Variants in FOLR2 observed in about 807,000 individuals in gnomAD.
FOLR2 encodes the protein folate receptor beta.
Under a neutral mutation model 20.4 loss-of-function variants are expected in FOLR2, and 14 were observed. That is an observed-to-expected ratio of 0.68 (90% CI 0.45 to 1.07). The LOEUF (loss-of-function observed/expected upper bound fraction) is 1.07, where lower values mean the gene tolerates loss of function less well. Ranked by LOEUF, FOLR2 falls within the 50% of genes least tolerant of loss-of-function variation. The pLI is 0.00. For synonymous variants in FOLR2, 114 were observed against 114.3 expected (o/e 1.00, Z 0.02); for missense variants, 269 against 322.6 (o/e 0.83, Z 1.27).
At chr11:72,218,445 G>A in intron 1 of FOLR2, 116 bp from the exon 2 acceptor site, 1 of 881,950 alleles carries the variant, frequency 1.1e-6, no homozygotes, top group Non-Finnish European at 1.7e-6. Flanking sequence ...CCCCAGCATT[G>A]AAGGAACAGG....
At position 72,220,901 on chromosome 11, in the gene FOLR2, C is replaced by A. The variant is rs780072643; in HGVS notation, c.182C>A (p.Thr61Lys). 4.6e-5 allele frequency: 75 copies of A among 1,613,956 alleles called. 1 individual carries two copies. The South Asian group carries it at 8.0e-4, about 17-fold the overall frequency. The change falls in exon 3 of 5, where the codon ACA becomes AAA. Residue 61 changes from threonine (T) to lysine (K), a missense_variant. Coordinates refer to ENST00000298223, the MANE Select transcript of FOLR2 (RefSeq NM_000803.5). ...CCCTGGAAGAAGAATGCCTGCTGCA[C>A]AGCCAGCACCAGCCAGGAGCTGCAC... ...CSPWKKNACC[T>K]ASTSQELHKD...
In FOLR2 at chr11:72,221,904, G is replaced by A; in HGVS notation, c.*142G>A. 1.4e-6 allele frequency: 1 copy of A among 712,594 alleles called. No individual in the cohort carries two copies. The highest frequency in any genetic ancestry group is 1.9e-5 in the South Asian group (1 of 52,776). The allele number at this position is 712,594 out of a possible 1,614,324, so 44.1% of individuals were successfully genotyped here. Reference sequence around the variant, plus strand: ...CCCAGTCTGTTGCTGCTCCATGGTGGGGCCAAGAGTCACTTCTAATAAACA... The same window carrying A: ...CCCAGTCTGTTGCTGCTCCATGGTGAGGCCAAGAGTCACTTCTAATAAACA... On this transcript the variant is annotated 3_prime_UTR_variant, in exon 5 of 5. Transcript: ENST00000298223.
Position 72,221,881 on chromosome 11 carries a change from C to A in FOLR2, c.*119C>A, listed in dbSNP as rs1948503041. 4 of 892,722 alleles carry A rather than the reference C, an allele frequency of 4.5e-6. No individual in the cohort carries two copies. The highest frequency in any genetic ancestry group is 3.4e-6 in the Non-Finnish European group (2 of 592,474). 55.3% of individuals were successfully genotyped at this position (892,722 alleles called of 1,614,324 possible). A position where few individuals can be genotyped will look rare whatever the true frequency, so the allele number is the denominator to read the frequency against. ...ATTAGTCACCTAACCCTCTGTCACCCAGTCTGTTGCTGCTCCATGGTGGGG... is the reference window on the plus strand; with the variant it reads ...ATTAGTCACCTAACCCTCTGTCACCAAGTCTGTTGCTGCTCCATGGTGGGG... On this transcript the variant is annotated 3_prime_UTR_variant, in exon 5 of 5. Transcript: ENST00000298223.
At chr11:72,218,441 C>A in intron 1 of FOLR2, 120 bp from the exon 2 acceptor site, 2 of 827,506 alleles carry the variant, frequency 2.4e-6, no homozygotes, top group Non-Finnish European at 1.9e-6. Flanking sequence ...AGGGCCCCAG[C>A]ATTGAAGGAA....
At position 72,221,167 on chromosome 11, in the gene FOLR2, C is replaced by A; in HGVS notation, c.340-9C>A. On this transcript the variant is annotated splice_polypyrimidine_tract_variant and intron_variant, in intron 3 of 4. Coordinates refer to ENST00000298223, the MANE Select transcript of FOLR2 (RefSeq NM_000803.5). ...TGAGAGGAGCCCTGCCTCCCCACCT[C>A]CCACCCAGGTGAATCAGAGCTGGCG... The A allele has an allele frequency of 1.9e-6, 3 of 1,610,860 alleles. No homozygotes were observed. The highest frequency in any genetic ancestry group is 1.7e-6 in the Non-Finnish European group (2 of 1,178,728).
At chr11:72,218,948 G>A (rs891515347) in intron 2 of FOLR2, among the ~76,000 whole-genome samples, 7 of 152,204 alleles carry the variant, frequency 4.6e-5, no homozygotes, top group African/African-American at 9.7e-5. Flanking sequence ...ATATTGAGTC[G>A]TCATTCGATG....
At chr11:72,217,710 C>T (rs1437268454) in intron 1 of FOLR2, among the ~76,000 whole-genome samples, 1 of 152,114 alleles carries the variant, frequency 6.6e-6, no homozygotes, top group African/African-American at 2.4e-5. Flanking sequence ...AAACTTCTAT[C>T]GTTTTTCAGG....
intron 2 of FOLR2, 29 bp from the exon 3 acceptor site, chr11:72,220,841 G>A: frequency 6.2e-7 from 1 of 1,613,228 alleles, no homozygotes; most frequent in Non-Finnish European, 8.5e-7. Flanking sequence ...GTATGGGGAG[G>A]CACTTAGTCC....
In FOLR2 at chr11:72,221,067, T is replaced by TCGGGGGGGGCCGCCCCCCCCCC; in HGVS notation, c.339+10_339+11insGGGGGGGGCCGCCCCCCCCCCC. On this transcript the variant is annotated intron_variant, in intron 3 of 4. Coordinates refer to ENST00000298223, the MANE Select transcript of FOLR2 (RefSeq NM_000803.5). ...GGCCCTGGATCCAGCAGGTAGGGTG[T>TCGGGGGGGGCCGCCCCCCCCCC]CTCCCCCCCACCCACCCCAGCAGAC... 6.4e-7 allele frequency: 1 copy of TCGGGGGGGGCCGCCCCCCCCCC among 1,570,118 alleles called. No homozygotes were observed. Among genetic ancestry groups the TCGGGGGGGGCCGCCCCCCCCCC allele is most frequent in the Non-Finnish European group, 8.7e-7 (1 of 1,154,914 alleles).
chr11:72,220,813 G>C, intron 2 of FOLR2, 57 bp from the exon 3 acceptor site: 1 of 1,605,380 alleles, frequency 6.2e-7, no homozygotes, highest in Non-Finnish European at 8.5e-7. Flanking sequence ...AGAGACACGA[G>C]GTGGCAGGAG....
In FOLR2 at chr11:72,220,984, G is replaced by A. The variant is rs140643936; in HGVS notation, c.265G>A (p.Ala89Thr). Residue 89 changes from alanine to threonine, a missense_variant, in exon 3 of 5, where the codon GCC becomes ACC. Coordinates refer to ENST00000298223, the MANE Select transcript of FOLR2 (RefSeq NM_000803.5). ...GGACCACTGCGGCAAGATGGAGCCCGCCTGCAAGCGCCACTTCATCCAGGA... is the reference window on the plus strand; with the variant it reads ...GGACCACTGCGGCAAGATGGAGCCCACCTGCAAGCGCCACTTCATCCAGGA... ...NWDHCGKMEP[A>T]CKRHFIQDTC... is the part of the protein sequence containing the mutation. The A allele has an allele frequency of 1.9e-4, 312 of 1,613,906 alleles. 2 individuals are homozygous for A. Among genetic ancestry groups the A allele is most frequent in the South Asian group, 1.6e-3 (145 of 91,086 alleles).
In FOLR2 at chr11:72,221,069, T is replaced by TCG; in HGVS notation, c.339+12_339+13insGC. The stretch of plus-strand genomic sequence containing the variant: ...CCCTGGATCCAGCAGGTAGGGTGTC[T>TCG]CCCCCCCACCCACCCCAGCAGACTG... On this transcript the variant is annotated intron_variant, in intron 3 of 4. Transcript: ENST00000298223. 1 of 717,304 alleles carries TCG rather than the reference T, an allele frequency of 1.4e-6. No individual in the cohort carries two copies. The highest frequency in any genetic ancestry group is 2.2e-6 in the Non-Finnish European group (1 of 458,084). 44.4% of individuals were successfully genotyped at this position (717,304 alleles called of 1,614,324 possible).
At chr11:72,217,364 G>T (rs1156339655) in intron 1 of FOLR2, 2 of 1,289,366 alleles carry the variant, frequency 1.6e-6, no homozygotes, top group Admixed American at 2.3e-5. Context: ...CTGTGGGGAA[G>T]GCAACTTGAA....
intron 1 of FOLR2, chr11:72,217,470 A>G: frequency 9.8e-7 from 1 of 1,019,168 alleles, no homozygotes; most frequent in Non-Finnish European, 1.3e-6. Flanking sequence ...GAGAGGAAGC[A>G]GTATCCATTA....
Position 72,221,067 on chromosome 11 carries a change from T to TCGGGGGGGGGGGGGGCCCCCCCCCCC in FOLR2, c.339+10_339+11insGGGGGGGGGGGGGGCCCCCCCCCCCC. 11 of 1,570,008 alleles carry TCGGGGGGGGGGGGGGCCCCCCCCCCC rather than the reference T, an allele frequency of 7.0e-6. No homozygotes were observed. Among genetic ancestry groups the TCGGGGGGGGGGGGGGCCCCCCCCCCC allele is most frequent in the Non-Finnish European group, 9.5e-6 (11 of 1,154,816 alleles). Reference sequence around the variant, plus strand: ...GGCCCTGGATCCAGCAGGTAGGGTGTCTCCCCCCCACCCACCCCAGCAGAC... The same window carrying TCGGGGGGGGGGGGGGCCCCCCCCCCC: ...GGCCCTGGATCCAGCAGGTAGGGTGTCGGGGGGGGGGGGGGCCCCCCCCCCCCTCCCCCCCACCCACCCCAGCAGAC... On this transcript the variant is annotated intron_variant, in intron 3 of 4. Coordinates refer to ENST00000298223, the MANE Select transcript of FOLR2 (RefSeq NM_000803.5).
chr11:72,220,555 C>T (rs758382771), intron 2 of FOLR2, among the ~76,000 whole-genome samples: 13 of 152,192 alleles, frequency 8.5e-5, no homozygotes, highest in Admixed American at 3.3e-4. Context: ...AAAGTAGGTG[C>T]TCAATAATTT....
intron 2 of FOLR2, 126 bp downstream of exon 2, chr11:72,218,860 G>C: frequency 1.3e-6 from 1 of 787,210 alleles, no homozygotes; most frequent in Non-Finnish European, 2.1e-6. Context: ...TGTGGGAGAA[G>C]ATGAAGGTGG....
At position 72,221,040 on chromosome 11, in the gene FOLR2, G is replaced by A. The variant is rs375901970; in HGVS notation, c.321G>A (p.Leu107=). 2 of 1,613,324 alleles carry A rather than the reference G, an allele frequency of 1.2e-6. No homozygotes were observed. The highest frequency in any genetic ancestry group is 1.7e-6 in the Non-Finnish European group (2 of 1,179,820). Residue 107 remains leucine, a synonymous_variant, in exon 3 of 5, where the codon CTG becomes CTA. Coordinates refer to ENST00000298223, the MANE Select transcript of FOLR2 (RefSeq NM_000803.5). ...DTCLYECSPN[L]GPWIQQVNQS... ...GTCTCTATGAGTGCTCACCCAACCT[G>A]GGGCCCTGGATCCAGCAGGTAGGGT...
chr11:72,218,425 A>T, intron 1 of FOLR2, 136 bp from the exon 2 acceptor site: 1 of 706,606 alleles, frequency 1.4e-6, no homozygotes, highest in Non-Finnish European at 2.4e-6. Flanking sequence ...AGCCTCAGGG[A>T]GCTTCAGGGC....
Sources: gnomAD v4.1 joint callset for allele counts (sites outside exome capture counted in the v4.1 genomes callset) on GRCh38, gnomAD v4.1.1 for gene constraint, MANE v1.5 for transcripts, NCBI Gene and HGNC (gene_info 2026-07-23, HGNC 2026-07-21) for gene names.